Variants in BTBD3 observed in about 807,000 individuals in gnomAD.
The protein encoded by BTBD3 is BTB/POZ domain-containing protein 3.
A neutral mutation model predicts 41.6 loss-of-function variants in BTBD3; 14 were observed. The observed-to-expected ratio is 0.34, with a 90% CI of 0.22 to 0.53. The LOEUF (loss-of-function observed/expected upper bound fraction) is 0.53, where lower values mean the gene tolerates loss of function less well. BTBD3 is among the 20% of genes least tolerant of loss of function. BTBD3 has a pLI of 0.95. For synonymous variants in BTBD3, 249 were observed against 233.7 expected, an observed-to-expected ratio of 1.07 and a Z score of -0.60; for missense variants, 426 against 654.7, an observed-to-expected ratio of 0.65 and a Z score of 3.81.
upstream of BTBD3, among the ~76,000 whole-genome samples, chr20:11,917,479 G>A (rs1239844038): frequency 6.6e-6 from 1 of 152,136 alleles, no homozygotes; most frequent in African/African-American, 2.4e-5. Context: ...AATGTGTTTT[G>A]CTATTAATAG....
Position 11,922,716 on chromosome 20 carries a change from C to T in BTBD3, c.619C>T (p.His207Tyr). 2 of 1,614,216 alleles carry T rather than the reference C, an allele frequency of 1.2e-6. No homozygotes were observed. The highest frequency in any genetic ancestry group is 2.2e-5 in the South Asian group (2 of 91,086). The change falls in exon 4 of 4, where the codon CAC becomes TAC. Residue 207 changes from histidine to tyrosine, a missense_variant. Physicochemically the swap from His to Tyr is moderately conservative, Grantham distance 83. This residue lies in a region of BTBD3 where 321 missense variants were observed against 534.8 expected (regional missense o/e 0.60). Coordinates refer to ENST00000378226, the MANE Select transcript of BTBD3 (RefSeq NM_014962.4). Reference protein sequence around the residue: ...LYAAKKYIVPHLARACVNFLE... With the variant: ...LYAAKKYIVPYLARACVNFLE... ...TGCTGCCAAAAAGTACATTGTCCCT[C>T]ACCTTGCCAGAGCCTGTGTTAATTT... is the stretch of plus-strand genomic sequence containing the variant.
At chr20:11,917,475 T>C (rs2056926085), upstream of BTBD3, among the ~76,000 whole-genome samples, 1 of 152,244 alleles carries the variant, frequency 6.6e-6, no homozygotes, top group South Asian at 2.1e-4. Flanking sequence ...AATAAATGTG[T>C]TTTGCTATTA....
At chr20:11,919,865 GT>G (rs1299020722) in intron 3 of BTBD3, 29 bp downstream of exon 3, 1 of 1,575,706 alleles carries the variant, frequency 6.3e-7, no homozygotes, top group Non-Finnish European at 8.7e-7. Context: ...TTTGGAAAGA[GT>G]TTGTTTATGC....
intron 1 of BTBD3, among the ~76,000 whole-genome samples, chr20:11,898,323 T>C (rs912360536): frequency 1.3e-5 from 2 of 152,150 alleles, no homozygotes; most frequent in Admixed American, 6.5e-5. Flanking sequence ...TTTAGGTCTT[T>C]GCACTGGACT....
chr20:11,895,948 T>A (rs2056784242), intron 1 of BTBD3, among the ~76,000 whole-genome samples: 1 of 152,220 alleles, frequency 6.6e-6, no homozygotes, highest in African/African-American at 2.4e-5. Flanking sequence ...CCATTACAGT[T>A]CTTTAAGTCC....
chr20:11,908,291 TAACTA>T (rs1295688873), intron 1 of BTBD3, among the ~76,000 whole-genome samples: 11 of 145,546 alleles, frequency 7.6e-5, no homozygotes, highest in Non-Finnish European at 1.5e-5. Flanking sequence ...ATATCTCTGT[TAACTA>T]TGGTGGAGTG....
chr20:11,902,271 G>T (rs150195727), intron 1 of BTBD3, among the ~76,000 whole-genome samples: 2 of 152,120 alleles, frequency 1.3e-5, no homozygotes, highest in African/African-American at 4.8e-5. Context: ...TTATAGAAAT[G>T]TACTGTATTC....
At chr20:11,891,696 C>T (rs773177984) in intron 1 of BTBD3, among the ~76,000 whole-genome samples, 1 of 152,160 alleles carries the variant, frequency 6.6e-6, no homozygotes, top group South Asian at 2.1e-4. Flanking sequence ...CTTTTACCTC[C>T]TGGCCTTTTC....
chr20:11,912,285 G>A (rs1668037383), intron 1 of BTBD3, among the ~76,000 whole-genome samples: 1 of 152,206 alleles, frequency 6.6e-6, no homozygotes, highest in African/African-American at 2.4e-5. Flanking sequence ...GTCTCAGGAA[G>A]TGGGCACAGC....
At chr20:11,917,241 G>GT (rs1025047656), upstream of BTBD3, among the ~76,000 whole-genome samples, 2 of 152,092 alleles carry the variant, frequency 1.3e-5, no homozygotes, top group African/African-American at 4.8e-5. Flanking sequence ...TACTTCTAGA[G>GT]TTTATCTTAT....
Position 11,923,159 on chromosome 20 carries a change from A to T in BTBD3, c.1062A>T (p.Ala354=), listed in dbSNP as rs570256339. 5.6e-6 allele frequency: 9 copies of T among 1,614,214 alleles called. No individual in the cohort carries two copies. The highest frequency in any genetic ancestry group is 7.6e-6 in the Non-Finnish European group (9 of 1,180,042). Residue 354 remains alanine (A), a synonymous_variant, in exon 4 of 4, where the codon GCA becomes GCT. Coordinates refer to ENST00000378226, the MANE Select transcript of BTBD3 (RefSeq NM_014962.4). The surrounding 1 kb of genome is among the most constrained non-coding windows in gnomAD (Gnocchi z 5.3). ...ACGACATCTTCCTCTGGTATACTGC[A>T]GCCAAAAAGCCTGAGCTTCAGTTTG... ...ETNDIFLWYT[A]AKKPELQFVS... is the part of the protein sequence containing the mutation.
intron 1 of BTBD3, 159 bp from the exon 2 acceptor site, chr20:11,918,927 T>C (rs1042433406): frequency 3.4e-6 from 2 of 586,530 alleles, no homozygotes; most frequent in African/African-American, 3.8e-5. Flanking sequence ...ATGTTTGCAA[T>C]GATTATGAAC....
chr20:11,899,545 T>C lies in BTBD3; in HGVS notation c.-126+8591T>C, dbSNP rs145293022. ...AGACCCTTAAAGTATTTGCATTCTT[T>C]TCTTTTCTTTTTTTTTCTAATTGTA... is the stretch of plus-strand genomic sequence containing the variant. On this transcript the variant is annotated intron_variant, in intron 1 of 4. Coordinates refer to the BTBD3 transcript ENST00000254977. Among the ~76,000 whole-genome samples the C allele has an allele frequency of 5.7e-3, 864 of 152,282 alleles. 10 individuals carry two copies. The highest frequency in any genetic ancestry group is 0.02 in the African/African-American group (832 of 41,548).
At chr20:11,899,408 ATTAAATAATT>A (rs1210494520) in intron 1 of BTBD3, among the ~76,000 whole-genome samples, 1 of 152,158 alleles carries the variant, frequency 6.6e-6, no homozygotes, top group African/African-American at 2.4e-5. Flanking sequence ...TATGAATTAT[ATTAAATAATT>A]ATTATGCCCC....
rs2057019688 is a variant in BTBD3 at position 11,926,381 on chromosome 20, A to G, written c.*2715A>G. 1 of 152,630 alleles carries G rather than the reference A, an allele frequency of 6.6e-6. No homozygotes were observed. Among genetic ancestry groups the G allele is most frequent in the African/African-American group, 2.4e-5 (1 of 41,428 alleles). The allele number at this position is 152,630 out of a possible 1,614,324, so 9.5% of individuals were successfully genotyped here. On this transcript the variant is annotated 3_prime_UTR_variant, in exon 4 of 4. Transcript: ENST00000378226. ...CTTTTTTGTTTATTAAGGTGTTTAAATAAGCTCAGCTAATTCAAGACACTG... is the reference window on the plus strand; with the variant it reads ...CTTTTTTGTTTATTAAGGTGTTTAAGTAAGCTCAGCTAATTCAAGACACTG...
chr20:11,919,858 GGAAA>G, intron 3 of BTBD3, 22 bp downstream of exon 3: 1 of 1,597,470 alleles, frequency 6.3e-7, no homozygotes, highest in East Asian at 2.2e-5. Context: ...TCGTGTGTTT[GGAAA>G]GAGTTTGTTT....
upstream of BTBD3, among the ~76,000 whole-genome samples, chr20:11,915,968 G>T (rs988980242): frequency 4.6e-5 from 7 of 152,040 alleles, no homozygotes; most frequent in South Asian, 4.2e-4. Flanking sequence ...TTGGTGATGG[G>T]TATTGAGCCA....
chr20:11,894,922 C>G (rs1256061376), intron 1 of BTBD3, among the ~76,000 whole-genome samples: 1 of 152,084 alleles, frequency 6.6e-6, no homozygotes, highest in African/African-American at 2.4e-5. Context: ...AAGCTGTATG[C>G]ATATATTAAA....
chr20:11,895,344 C>A (rs1431036466), intron 1 of BTBD3, among the ~76,000 whole-genome samples: 2 of 152,182 alleles, frequency 1.3e-5, no homozygotes, highest in African/African-American at 4.8e-5. Context: ...GTATTTAATA[C>A]ATGCACAGTT....
Sources: gnomAD v4.1 joint callset for allele counts (sites outside exome capture counted in the v4.1 genomes callset) on GRCh38, gnomAD v4.1.1 for gene constraint, gnomAD v4.1.1 regional missense constraint, Gnocchi (gnomAD v3.1) non-coding constraint, MANE v1.5 for transcripts, NCBI Gene and HGNC (gene_info 2026-07-23, HGNC 2026-07-21) for gene names.